Variants in VAV2 observed in about 807,000 individuals in gnomAD.
The protein encoded by VAV2 is vav guanine nucleotide exchange factor 2, also known as guanine nucleotide exchange factor VAV2.
In VAV2, 67 loss-of-function variants were observed where a neutral mutation model predicts 132.5. The observed-to-expected ratio is 0.51, with a 90% CI of 0.42 to 0.62. The LOEUF (loss-of-function observed/expected upper bound fraction) is 0.62. VAV2 is among the 20% of genes least tolerant of loss of function. The pLI is 0.00. For missense variants in VAV2, 938 were observed against 1,153.6 expected (o/e 0.81, Z 2.71); for synonymous variants, 492 against 443.5 (o/e 1.11, Z -1.37).
intron 4 of VAV2, among the ~76,000 whole-genome samples, chr9:133,820,025 G>C (rs902194073): frequency 2.0e-5 from 3 of 152,190 alleles, no homozygotes; most frequent in Non-Finnish European, 4.4e-5. Context: ...TCCTATGACC[G>C]ATTCTGCATC....
At chr9:133,896,734 G>A (rs1036884504) in intron 2 of VAV2, among the ~76,000 whole-genome samples, 1 of 152,110 alleles carries the variant, frequency 6.6e-6, no homozygotes, top group African/African-American at 2.4e-5. Context: ...TTGTGTTTAC[G>A]AAGAAAAGTT....
intron 17 of VAV2, among the ~76,000 whole-genome samples, 192 bp from the exon 18 acceptor site, chr9:133,784,610 G>T (rs967399557): frequency 6.6e-6 from 1 of 152,236 alleles, no homozygotes; most frequent in African/African-American, 2.4e-5. Flanking sequence ...TAGAAGGCAG[G>T]TCAGAGAAGA....
At chr9:133,858,098 C>G (rs1238188206) in intron 3 of VAV2, among the ~76,000 whole-genome samples, 1 of 152,216 alleles carries the variant, frequency 6.6e-6, no homozygotes, top group East Asian at 1.9e-4. Context: ...TCTTGCTCAG[C>G]TCCTAGGAGA....
intron 1 of VAV2, among the ~76,000 whole-genome samples, chr9:133,955,829 C>T (rs1841755546): frequency 9.0e-6 from 1 of 111,540 alleles, no homozygotes; most frequent in Non-Finnish European, 1.8e-5. Context: ...CACTCCTCCC[C>T]ACAGCTCTGG....
At chr9:133,843,665 G>C (rs1836814188) in intron 3 of VAV2, among the ~76,000 whole-genome samples, 1 of 152,222 alleles carries the variant, frequency 6.6e-6, no homozygotes, top group South Asian at 2.1e-4. Flanking sequence ...AGGAAGGAGG[G>C]GGAAGGTGAT....
rs185756476 is a variant in VAV2, at chr9:133,980,076, G to A, written c.204+11999C>T. On this transcript the variant is annotated intron_variant, in intron 1 of 29. Transcript: ENST00000371850. The stretch of plus-strand genomic sequence containing the variant: ...GAACAGGCTGGGCCACCAGCCACCC[G>A]GGAGCAGGAGGCCCAGGACCGGAAG... 7.1e-3 allele frequency among the ~76,000 whole-genome samples: 1,087 copies of A among 152,304 alleles called. 9 individuals carry two copies. The highest frequency in any genetic ancestry group is 0.014 in the Middle Eastern group (4 of 292).
chr9:133,782,344 A>C (rs9409864), intron 19 of VAV2, among the ~76,000 whole-genome samples: 1 of 151,852 alleles, frequency 6.6e-6, no homozygotes, highest in Non-Finnish European at 1.5e-5. Flanking sequence ...ACGAGAGGGC[A>C]GTATTGATGG....
intron 12 of VAV2, among the ~76,000 whole-genome samples, chr9:133,793,536 A>C (rs537730685): frequency 6.6e-6 from 1 of 152,316 alleles, no homozygotes; most frequent in East Asian, 1.9e-4. Context: ...CAAGGACCCC[A>C]GTAGCAAGTC....
intron 13 of VAV2, among the ~76,000 whole-genome samples, chr9:133,790,173 T>A (rs565871616): frequency 3.3e-5 from 5 of 152,164 alleles, no homozygotes; most frequent in Admixed American, 1.3e-4. Context: ...GCCATGCTGT[T>A]TTATTCTTGT....
chr9:133,949,426 G>T (rs1051323496), intron 1 of VAV2, among the ~76,000 whole-genome samples: 3 of 152,196 alleles, frequency 2.0e-5, no homozygotes, highest in African/African-American at 7.2e-5. Flanking sequence ...CGTGGCACCC[G>T]CTAGGGCTCT....
chr9:133,840,908 C>T lies in VAV2; in HGVS notation c.381-6568G>A, dbSNP rs766390641. ...AGTCCAGAGGGAGGGGCACATTGGA[C>T]GCGCAGGGGTCTCCAAGCTGAGGGT... On this transcript the variant is annotated intron_variant, in intron 3 of 29. Transcript: ENST00000371850. The surrounding 1 kb of genome is among the most constrained non-coding windows in gnomAD (Gnocchi z 4.5). Among the ~76,000 whole-genome samples the T allele has an allele frequency of 1.2e-4, 18 of 152,114 alleles. No homozygotes were observed. The highest frequency in any genetic ancestry group is 2.5e-4 in the Non-Finnish European group (17 of 68,024).
At chr9:133,767,576 G>A (rs1833478722) in intron 29 of VAV2, among the ~76,000 whole-genome samples, 1 of 152,158 alleles carries the variant, frequency 6.6e-6, no homozygotes, top group African/African-American at 2.4e-5. Context: ...CAGCCCCCTA[G>A]GTGGGCTACC....
intron 2 of VAV2, among the ~76,000 whole-genome samples, chr9:133,911,087 C>T (rs1302967170): frequency 6.6e-6 from 1 of 152,136 alleles, no homozygotes; most frequent in Non-Finnish European, 1.5e-5. Flanking sequence ...CCGGGCACGC[C>T]CCTTCTTGGG....
At chr9:133,868,953 T>A (rs1167071152) in intron 2 of VAV2, among the ~76,000 whole-genome samples, 3 of 151,706 alleles carry the variant, frequency 2.0e-5, no homozygotes, top group Admixed American at 1.3e-4. Flanking sequence ...AGATGAGGAG[T>A]TCGAGACCAG....
At chr9:133,871,944 T>C (rs1838072596) in intron 2 of VAV2, among the ~76,000 whole-genome samples, 1 of 152,116 alleles carries the variant, frequency 6.6e-6, no homozygotes, top group Non-Finnish European at 1.5e-5. Context: ...CCTGGCTCCA[T>C]GGGGTCATCG....
At chr9:133,960,708 C>T (rs1057260065) in intron 1 of VAV2, among the ~76,000 whole-genome samples, 3 of 152,270 alleles carry the variant, frequency 2.0e-5, no homozygotes, top group Non-Finnish European at 2.9e-5. Flanking sequence ...TTTCCTCCCC[C>T]AGCCCCGGCA....
chr9:133,927,108 A>G (rs933537978), intron 2 of VAV2, among the ~76,000 whole-genome samples: 1 of 35,498 alleles, frequency 2.8e-5, no homozygotes, highest in African/African-American at 4.7e-5. Context: ...CTACCTTACC[A>G]GTGGTGGCAA....
At position 133,834,387 on chromosome 9, in the gene VAV2, C is replaced by T. The variant is rs766151607; in HGVS notation, c.381-47G>A. 2.5e-5 allele frequency: 40 copies of T among 1,588,486 alleles called. No homozygotes were observed. The East Asian group carries it at 7.0e-4, about 28-fold the overall frequency. On this transcript the variant is annotated intron_variant, in intron 3 of 29. Transcript: ENST00000371850. This position sits in a 1 kb window ranked among gnomAD's most constrained non-coding sequence, Gnocchi z 5.9. ...GGAGGTGAGCAGGTCCCGGCACTGCCGGCCAGTGGGACCCCAGCTGGACCC... is the reference window on the plus strand; with the variant it reads ...GGAGGTGAGCAGGTCCCGGCACTGCTGGCCAGTGGGACCCCAGCTGGACCC...
intron 2 of VAV2, among the ~76,000 whole-genome samples, chr9:133,894,537 G>A (rs980229236): frequency 6.6e-6 from 1 of 152,182 alleles, no homozygotes; most frequent in Non-Finnish European, 1.5e-5. Context: ...TGCACAAGGC[G>A]GCTGTTGGGA....
Sources: gnomAD v4.1 joint callset for allele counts (sites outside exome capture counted in the v4.1 genomes callset) on GRCh38, gnomAD v4.1.1 for gene constraint, Gnocchi (gnomAD v3.1) non-coding constraint, MANE v1.5 for transcripts, NCBI Gene and HGNC (gene_info 2026-07-23, HGNC 2026-07-21) for gene names.